MBD5: variants seen among roughly 807,000 people sequenced by gnomAD.
The protein encoded by MBD5 is methyl-CpG binding domain protein 5.
Under a neutral mutation model 117.3 loss-of-function variants are expected in MBD5, and 13 were observed. The ratio of observed to expected loss-of-function variants is 0.11; its 90% CI spans 0.07 to 0.18. The LOEUF (loss-of-function observed/expected upper bound fraction) is 0.18. Among genes scored for constraint, MBD5 ranks in the 10% least tolerant of loss-of-function variants. The probability of loss-of-function intolerance (pLI) is 1.00; values close to 1 mark genes in which losing one functional copy is unlikely to be tolerated. For missense variants in MBD5, 1,879 were observed against 2,093.8 expected (o/e 0.90, Z 2.00); for synonymous variants, 727 against 766.4 (o/e 0.95, Z 0.85).
intron 1 of MBD5, among the ~76,000 whole-genome samples, chr2:148,148,468 AT>A (rs1697532640): frequency 6.6e-6 from 1 of 152,112 alleles, no homozygotes; most frequent in South Asian, 2.1e-4. Context: ...TATTCTTTGG[AT>A]TATTTTAAGT....
intron 1 of MBD5, among the ~76,000 whole-genome samples, chr2:148,163,740 A>G (rs1698064198): frequency 6.6e-6 from 1 of 152,192 alleles, no homozygotes; most frequent in Non-Finnish European, 1.5e-5. Flanking sequence ...TTAAATGTAC[A>G]GTATTTAGAA....
intron 2 of MBD5, among the ~76,000 whole-genome samples, chr2:148,219,114 A>G (rs750243024): frequency 3.3e-5 from 5 of 152,168 alleles, no homozygotes; most frequent in Non-Finnish European, 7.4e-5. Context: ...AATATTTTCT[A>G]TTTATCCTTA....
chr2:148,427,417 G>A (rs1186565528), intron 4 of MBD5, among the ~76,000 whole-genome samples: 1 of 152,038 alleles, frequency 6.6e-6, no homozygotes, highest in African/African-American at 2.4e-5. Context: ...GTCCAACAAT[G>A]ATAGACTGGA....
chr2:148,410,086 T>G (rs904946492), intron 4 of MBD5, among the ~76,000 whole-genome samples: 1 of 152,162 alleles, frequency 6.6e-6, no homozygotes, highest in Non-Finnish European at 1.5e-5. Flanking sequence ...CCAAAGGATA[T>G]GCACATTTAA....
chr2:148,034,624 T>G (rs1553465405), intron 1 of MBD5, among the ~76,000 whole-genome samples: 1 of 152,212 alleles, frequency 6.6e-6, no homozygotes, highest in Non-Finnish European at 1.5e-5. Flanking sequence ...ATTTTATCAT[T>G]ATAACAAACA....
At chr2:148,441,878 G>C (rs1706336101) in intron 4 of MBD5, among the ~76,000 whole-genome samples, 1 of 152,198 alleles carries the variant, frequency 6.6e-6, no homozygotes, top group African/African-American at 2.4e-5. Context: ...ATTTTTTCAT[G>C]TGTCTTTTGG....
At chr2:148,316,752 T>G (rs1197229296) in intron 3 of MBD5, among the ~76,000 whole-genome samples, 1 of 152,124 alleles carries the variant, frequency 6.6e-6, no homozygotes, top group African/African-American at 2.4e-5. Context: ...AATAAAAATA[T>G]TTTTAAAAGG....
intron 3 of MBD5, among the ~76,000 whole-genome samples, chr2:148,275,552 G>A (rs906393829): frequency 7.2e-5 from 11 of 152,278 alleles, no homozygotes; most frequent in African/African-American, 2.6e-4. Context: ...CTTCACAGGA[G>A]ACCTCACTCT....
intron 4 of MBD5, among the ~76,000 whole-genome samples, chr2:148,354,730 C>A (rs1055224627): frequency 6.6e-6 from 1 of 152,184 alleles, no homozygotes; most frequent in African/African-American, 2.4e-5. Context: ...ACACTCCCAC[C>A]AACATGTAAA....
At chr2:148,210,751 A>G (rs1699403018) in intron 2 of MBD5, among the ~76,000 whole-genome samples, 1 of 152,114 alleles carries the variant, frequency 6.6e-6, no homozygotes, top group Non-Finnish European at 1.5e-5. Flanking sequence ...GGTAATGTAA[A>G]CGTTTTATCT....
chr2:148,099,169 C>T (rs991697222), intron 1 of MBD5, among the ~76,000 whole-genome samples: 2 of 152,028 alleles, frequency 1.3e-5, no homozygotes, highest in Admixed American at 6.6e-5. Flanking sequence ...AGTTACAAGG[C>T]GTGAGTTTTT....
At chr2:148,451,474 G>A (rs1026321530) in intron 4 of MBD5, among the ~76,000 whole-genome samples, 2 of 152,078 alleles carry the variant, frequency 1.3e-5, no homozygotes, top group East Asian at 3.9e-4. Context: ...TACTGTGAAG[G>A]AGCTGTTTGA....
At chr2:148,217,943 TA>T (rs1699596734) in intron 2 of MBD5, among the ~76,000 whole-genome samples, 1 of 152,080 alleles carries the variant, frequency 6.6e-6, no homozygotes, top group Non-Finnish European at 1.5e-5. Flanking sequence ...CCAAACCTCT[TA>T]AAACTCCCCC....
At chr2:148,229,423 T>C (rs1462408484) in intron 2 of MBD5, among the ~76,000 whole-genome samples, 1 of 152,192 alleles carries the variant, frequency 6.6e-6, no homozygotes, top group African/African-American at 2.4e-5. Context: ...TCTTTGACTT[T>C]CCTCAGCACA....
intron 3 of MBD5, among the ~76,000 whole-genome samples, chr2:148,262,608 C>G (rs4972276): frequency 0.46 from 69,673 of 151,900 alleles, 16,339 homozygotes; most frequent in East Asian, 0.71. Flanking sequence ...AAAAATTGAG[C>G]CCTGTGGGGT....
chr2:148,073,104 T>A (rs1173264888), intron 1 of MBD5, among the ~76,000 whole-genome samples: 1 of 152,128 alleles, frequency 6.6e-6, no homozygotes, highest in African/African-American at 2.4e-5. Context: ...TGTACTGATT[T>A]AATCTAAATA....
chr2:148,348,462 A>G (rs959350991), intron 4 of MBD5, among the ~76,000 whole-genome samples: 1 of 152,024 alleles, frequency 6.6e-6, no homozygotes, highest in African/African-American at 2.4e-5. Context: ...TTTCAAATAA[A>G]GGTTTATATG....
intron 2 of MBD5, among the ~76,000 whole-genome samples, chr2:148,229,718 C>T (rs1047687958): frequency 6.6e-6 from 1 of 152,130 alleles, no homozygotes; most frequent in Non-Finnish European, 1.5e-5. Flanking sequence ...GCTTTAGGGG[C>T]ACCACAAGCC....
At chr2:148,099,903 T>A (rs940074843) in intron 1 of MBD5, among the ~76,000 whole-genome samples, 1 of 152,174 alleles carries the variant, frequency 6.6e-6, no homozygotes, top group Non-Finnish European at 1.5e-5. Context: ...TTAATCCAAT[T>A]GATATTTATT....
Sources: gnomAD v4.1 joint callset for allele counts (sites outside exome capture counted in the v4.1 genomes callset) on GRCh38, gnomAD v4.1.1 for gene constraint, MANE v1.5 for transcripts, NCBI Gene and HGNC (gene_info 2026-07-23, HGNC 2026-07-21) for gene names.